The following ZMAT4 variants were observed in gnomAD, a reference collection of about 807,000 sequenced individuals.
The protein encoded by ZMAT4 is zinc finger matrin-type 4, also known as zinc finger matrin-type protein 4.
A neutral mutation model predicts 28.7 loss-of-function variants in ZMAT4; 17 were observed. That is an observed-to-expected ratio of 0.59 (90% CI 0.41 to 0.89). ZMAT4 has a LOEUF of 0.89. Ranked by LOEUF, ZMAT4 falls within the 40% of genes least tolerant of loss-of-function variation. The probability of loss-of-function intolerance (pLI) is 0.00; values close to 1 mark genes in which losing one functional copy is unlikely to be tolerated. For missense variants in ZMAT4, 240 were observed against 283.8 expected, an observed-to-expected ratio of 0.85 and a Z score of 1.11; for synonymous variants, 117 against 109.2, an observed-to-expected ratio of 1.07 and a Z score of -0.44.
chr8:40,613,466 GA>G (rs1395424883), intron 5 of ZMAT4, among the ~76,000 whole-genome samples: 2 of 152,194 alleles, frequency 1.3e-5, no homozygotes, highest in Non-Finnish European at 2.9e-5. Context: ...TTGCAAGCGT[GA>G]GCCACCTTGC....
At chr8:40,789,672 C>A (rs1814241831) in intron 2 of ZMAT4, among the ~76,000 whole-genome samples, 1 of 151,970 alleles carries the variant, frequency 6.6e-6, no homozygotes, top group African/African-American at 2.4e-5. Context: ...ATCTCATGTA[C>A]CCCATAAATA....
chr8:40,716,257 C>A (rs1810850002), intron 3 of ZMAT4, among the ~76,000 whole-genome samples: 1 of 149,718 alleles, frequency 6.7e-6, no homozygotes. Context: ...TGCAAATGCC[C>A]AGGGCCCCTC....
At chr8:40,885,944 C>T (rs1455438255) in intron 1 of ZMAT4, among the ~76,000 whole-genome samples, 1 of 152,246 alleles carries the variant, frequency 6.6e-6, no homozygotes, top group African/African-American at 2.4e-5. Context: ...TGCCGTCCAT[C>T]TCCCCCACTT....
chr8:40,676,851 T>C (rs1417813198), intron 4 of ZMAT4, among the ~76,000 whole-genome samples: 9 of 152,108 alleles, frequency 5.9e-5, no homozygotes, highest in South Asian at 2.1e-4. Context: ...TGTGGGCCAT[T>C]CCAGCAGCCA....
intron 6 of ZMAT4, among the ~76,000 whole-genome samples, chr8:40,548,164 G>GCCTGAATCA: frequency 6.6e-6 from 1 of 152,264 alleles, no homozygotes; most frequent in Non-Finnish European, 1.5e-5. Context: ...TTAGGTGTAG[G>GCCTGAATCA]AAGGACCCTT....
chr8:40,593,717 G>T (rs1435617026), intron 5 of ZMAT4, among the ~76,000 whole-genome samples: 1 of 152,192 alleles, frequency 6.6e-6, no homozygotes, highest in African/African-American at 2.4e-5. Flanking sequence ...GTTAAAAGAA[G>T]ATGCTAATTG....
At chr8:40,766,960 T>C (rs1364495989) in intron 3 of ZMAT4, among the ~76,000 whole-genome samples, 3 of 152,168 alleles carry the variant, frequency 2.0e-5, no homozygotes, top group African/African-American at 4.8e-5. Flanking sequence ...ATCCACAGTG[T>C]TTATTAGGAG....
intron 3 of ZMAT4, among the ~76,000 whole-genome samples, chr8:40,752,696 C>T (rs1812504352): frequency 6.6e-6 from 1 of 152,124 alleles, no homozygotes; most frequent in South Asian, 2.1e-4. Context: ...CTCAGGTATC[C>T]TCCAAATCTA....
At chr8:40,603,648 A>G (rs2118629021) in intron 5 of ZMAT4, among the ~76,000 whole-genome samples, 2 of 152,044 alleles carry the variant, frequency 1.3e-5, no homozygotes, top group South Asian at 4.2e-4. Context: ...TTTTGTTTTG[A>G]GATGGAGTCT....
At chr8:40,874,632 G>A (rs941495540) in intron 1 of ZMAT4, among the ~76,000 whole-genome samples, 3 of 152,158 alleles carry the variant, frequency 2.0e-5, no homozygotes, top group East Asian at 1.9e-4. Flanking sequence ...TTTATACTTA[G>A]AATGTGTTTC....
chr8:40,826,847 A>G (rs1181483511), intron 1 of ZMAT4, among the ~76,000 whole-genome samples: 1 of 152,136 alleles, frequency 6.6e-6, no homozygotes, highest in African/African-American at 2.4e-5. Context: ...ATGGCAGCTG[A>G]AGGATCTCAT....
intron 2 of ZMAT4, among the ~76,000 whole-genome samples, chr8:40,793,370 G>A (rs1431869589): frequency 1.3e-5 from 2 of 152,206 alleles, no homozygotes; most frequent in African/African-American, 2.4e-5. Context: ...AGAATAGGCC[G>A]TGTGCCCCTG....
At chr8:40,635,277 G>A (rs1806749387) in intron 5 of ZMAT4, among the ~76,000 whole-genome samples, 1 of 152,096 alleles carries the variant, frequency 6.6e-6, no homozygotes, top group African/African-American at 2.4e-5. Flanking sequence ...CTTCCGCTAG[G>A]GGCCTTAATA....
intron 5 of ZMAT4, among the ~76,000 whole-genome samples, chr8:40,616,578 C>G (rs182186580): frequency 1.1e-3 from 164 of 152,200 alleles, no homozygotes; most frequent in Non-Finnish European, 1.9e-3. Context: ...GAGTTCATGT[C>G]CTTTGGAGGG....
At chr8:40,803,270 G>C (rs1814930247) in intron 2 of ZMAT4, among the ~76,000 whole-genome samples, 1 of 152,122 alleles carries the variant, frequency 6.6e-6, no homozygotes, top group South Asian at 2.1e-4. Context: ...AAACATTGTT[G>C]AGAAAATGAA....
intron 3 of ZMAT4, among the ~76,000 whole-genome samples, chr8:40,742,472 T>G (rs950985102): frequency 6.6e-6 from 1 of 151,906 alleles, no homozygotes; most frequent in African/African-American, 2.4e-5. Flanking sequence ...TTAACAGTGA[T>G]GTGTCTTAGG....
intron 2 of ZMAT4, among the ~76,000 whole-genome samples, chr8:40,804,889 C>A (rs1055708931): frequency 6.6e-6 from 1 of 151,702 alleles, no homozygotes; most frequent in African/African-American, 2.4e-5. Context: ...AAAGGAGTAA[C>A]TGAGTAGTAG....
intron 5 of ZMAT4, among the ~76,000 whole-genome samples, chr8:40,620,375 A>C (rs1240724403): frequency 2.6e-5 from 4 of 152,378 alleles, no homozygotes; most frequent in African/African-American, 9.6e-5. Context: ...CGGCAGGGCT[A>C]GTGACCTCAG....
At chr8:40,762,759 A>T (rs1026852315) in intron 3 of ZMAT4, among the ~76,000 whole-genome samples, 12 of 152,208 alleles carry the variant, frequency 7.9e-5, no homozygotes, top group Admixed American at 6.5e-5. Context: ...GGCAAGGAAG[A>T]GGTTCTCAGT....
Sources: allele counts gnomAD v4.1 joint callset (sites outside exome capture counted in the v4.1 genomes callset), GRCh38; gene constraint gnomAD v4.1.1; transcripts MANE v1.5; gene names NCBI Gene and HGNC (gene_info 2026-07-23, HGNC 2026-07-21).